The following DCC variants were observed in gnomAD, a reference collection of about 807,000 sequenced individuals.
DCC encodes DCC netrin 1 receptor, also known as netrin receptor DCC.
In DCC, 58 loss-of-function variants were observed where a neutral mutation model predicts 172.5. The ratio of observed to expected loss-of-function variants is 0.34; its 90% confidence interval spans 0.27 to 0.42. The LOEUF is 0.42. Ranked by LOEUF, DCC falls within the 10% of genes least tolerant of loss-of-function variation. DCC has a pLI of 1.00. For synonymous variants in DCC, 709 were observed against 644.5 expected, an observed-to-expected ratio of 1.10 and a Z score of -1.52; for missense variants, 1,740 against 1,791.0, an observed-to-expected ratio of 0.97 and a Z score of 0.51.
intron 9 of DCC, among the ~76,000 whole-genome samples, chr18:53,194,780 T>G (rs1029738006): frequency 6.6e-6 from 1 of 152,160 alleles, no homozygotes; most frequent in Non-Finnish European, 1.5e-5. Context: ...CAGGTTTGGT[T>G]TTTAAGCATA....
At position 53,446,107 on chromosome 18, in the gene DCC, AAAAAAAAC is replaced by A. The variant is rs1272988856; in HGVS notation, c.3230-4385_3230-4378del. 2.8e-5 allele frequency among the ~76,000 whole-genome samples: 4 copies of A among 143,950 alleles called. 1 individual carries two copies. Among genetic ancestry groups the A allele is most frequent in the Admixed American group, 6.9e-5 (1 of 14,444 alleles). The allele number at this position is 143,950 out of a possible 152,430, so 94.4% of individuals were successfully genotyped here. On this transcript the variant is annotated intron_variant, in intron 22 of 28. Coordinates refer to ENST00000442544, the MANE Select transcript of DCC (RefSeq NM_005215.4). The stretch of plus-strand genomic sequence containing the variant: ...GAAGACCCTGTCTCTACAAAAAAAA[AAAAAAAAC>A]AAAAAAAAACACTTAAAAATTTTCC...
At chr18:52,454,604 A>G (rs1431375474) in intron 1 of DCC, among the ~76,000 whole-genome samples, 2 of 152,146 alleles carry the variant, frequency 1.3e-5, no homozygotes, top group African/African-American at 2.4e-5. Flanking sequence ...ATAAAATAGG[A>G]AGCTTGACCC....
intron 1 of DCC, among the ~76,000 whole-genome samples, chr18:52,403,212 A>G (rs1986506560): frequency 6.6e-6 from 1 of 152,088 alleles, no homozygotes; most frequent in Non-Finnish European, 1.5e-5. Context: ...ACAAGTAAGC[A>G]TTCAAAAGAA....
intron 1 of DCC, among the ~76,000 whole-genome samples, chr18:52,574,023 C>G (rs186565316): frequency 6.6e-6 from 1 of 152,116 alleles, no homozygotes; most frequent in Non-Finnish European, 1.5e-5. Context: ...ATTCTTAAGT[C>G]CAACACACAT....
At chr18:53,247,352 C>A (rs904353606) in intron 12 of DCC, among the ~76,000 whole-genome samples, 24 of 151,982 alleles carry the variant, frequency 1.6e-4, no homozygotes, top group African/African-American at 5.6e-4. Flanking sequence ...ATTGTTTAGA[C>A]ATCCCATAAA....
chr18:52,420,086 T>C lies in DCC; in HGVS notation c.91+79208T>C, dbSNP rs182427752. On this transcript the variant is annotated intron_variant, in intron 1 of 28. Transcript: ENST00000442544. ...TCTGACAAAGTTGTATTTTTCCAAA[T>C]GTCCACATTATTTTTCGGTTTTGCA... Among the ~76,000 whole-genome samples, 484 of 152,308 alleles carry C rather than the reference T, an allele frequency of 3.2e-3. 4 individuals are homozygous for C. Among genetic ancestry groups the C allele is most frequent in the South Asian group, 0.016 (79 of 4,830 alleles).
Position 52,811,585 on chromosome 18 carries a change from G to A in DCC, c.412+59211G>A, listed in dbSNP as rs529137672. On this transcript the variant is annotated intron_variant, in intron 2 of 28. Coordinates refer to ENST00000442544, the MANE Select transcript of DCC (RefSeq NM_005215.4). ...TTTCATACATTAAATTGAGTAACTG[G>A]TGAAAGTTTTATTTTTTTACATTAC... 9.0e-4 allele frequency among the ~76,000 whole-genome samples: 135 copies of A among 149,628 alleles called. No homozygotes were observed. In the South Asian group the frequency reaches 0.014, roughly 16 times the overall value.
chr18:53,514,238 G>A (rs2046303244), intron 27 of DCC, among the ~76,000 whole-genome samples: 2 of 152,008 alleles, frequency 1.3e-5, no homozygotes, highest in African/African-American at 2.4e-5. Context: ...AAATAAAGAT[G>A]TTCTTTGAAA....
chr18:53,471,185 A>G (rs1239225890), intron 25 of DCC, among the ~76,000 whole-genome samples: 1 of 152,150 alleles, frequency 6.6e-6, no homozygotes, highest in Non-Finnish European at 1.5e-5. Context: ...GTGGGTACAT[A>G]GTAGGTATAT....
chr18:52,695,614 G>A (rs2035999749), intron 1 of DCC, among the ~76,000 whole-genome samples: 2 of 152,162 alleles, frequency 1.3e-5, no homozygotes, highest in African/African-American at 4.8e-5. Flanking sequence ...GCCACTGGGG[G>A]TACCAAAGTG....
chr18:53,227,338 A>G (rs1283164545), intron 12 of DCC, among the ~76,000 whole-genome samples: 4 of 152,114 alleles, frequency 2.6e-5, no homozygotes, highest in African/African-American at 9.7e-5. Context: ...AATCTCATCA[A>G]ATGTCCACCA....
chr18:53,012,089 T>C (rs1170074273), intron 5 of DCC, among the ~76,000 whole-genome samples: 2 of 151,860 alleles, frequency 1.3e-5, no homozygotes, highest in African/African-American at 4.8e-5. Flanking sequence ...CGTATATTAT[T>C]GGTGGAATGT....
chr18:53,457,266 C>A (rs1422404484), intron 23 of DCC, among the ~76,000 whole-genome samples: 1 of 152,182 alleles, frequency 6.6e-6, no homozygotes, highest in Non-Finnish European at 1.5e-5. Context: ...CTTTTAAAAA[C>A]AGAAGCCATC....
chr18:52,342,370 C>G (rs569628436), intron 1 of DCC, among the ~76,000 whole-genome samples: 1 of 151,084 alleles, frequency 6.6e-6, no homozygotes, highest in South Asian at 2.1e-4. Context: ...TCCCTCCCTC[C>G]GTCTGTCCCT....
At chr18:53,212,714 A>G (rs1190813089) in intron 11 of DCC, among the ~76,000 whole-genome samples, 1 of 150,778 alleles carries the variant, frequency 6.6e-6, no homozygotes, top group Admixed American at 6.6e-5. Flanking sequence ...TGTCTTGCCC[A>G]GGGTGGAGTG....
chr18:53,287,460 T>G (rs531307761), intron 12 of DCC, among the ~76,000 whole-genome samples: 2 of 152,316 alleles, frequency 1.3e-5, no homozygotes, highest in East Asian at 3.8e-4. Context: ...TGTAAATAAG[T>G]TTATATGTAG....
At chr18:53,302,628 A>G (rs951429477) in intron 12 of DCC, among the ~76,000 whole-genome samples, 3 of 152,164 alleles carry the variant, frequency 2.0e-5, no homozygotes, top group Non-Finnish European at 4.4e-5. Context: ...ACACAAATAG[A>G]TATCTTAGAA....
At chr18:52,929,288 A>AG (rs2145498403) in intron 5 of DCC, among the ~76,000 whole-genome samples, 1 of 152,260 alleles carries the variant, frequency 6.6e-6, no homozygotes, top group Non-Finnish European at 1.5e-5. Context: ...AAAGAGTCTT[A>AG]GGCATATGCT....
In DCC at chr18:52,603,147, A is replaced by G. The variant is rs569387606; in HGVS notation, c.92-148907A>G. ...GGACTAATTCCAGACCTGCTTGATA[A>G]AAATCTCTAGGGATGGAGACTGAAA... On this transcript the variant is annotated intron_variant, in intron 1 of 28. Transcript: ENST00000442544. Among the ~76,000 whole-genome samples, 27 of 152,230 alleles carry G rather than the reference A, an allele frequency of 1.8e-4. 1 individual carries two copies. In the South Asian group the frequency reaches 5.6e-3, roughly 32 times the overall value.
Sources: allele counts gnomAD v4.1 joint callset (sites outside exome capture counted in the v4.1 genomes callset), GRCh38; gene constraint gnomAD v4.1.1; transcripts MANE v1.5; gene names NCBI Gene and HGNC (gene_info 2026-07-23, HGNC 2026-07-21).